The following TSPEAR variants were observed in gnomAD, a reference collection of about 807,000 sequenced individuals.
TSPEAR encodes thrombospondin type laminin G domain and EAR repeats.
In TSPEAR, 69 loss-of-function variants were observed where a neutral mutation model predicts 71.6. The ratio of observed to expected loss-of-function variants is 0.96; its 90% CI spans 0.79 to 1.18. The LOEUF (loss-of-function observed/expected upper bound fraction) is 1.18. Among genes scored for constraint, TSPEAR ranks in the 50% most tolerant of loss-of-function variants. The probability of loss-of-function intolerance (pLI) is 0.00; values close to 1 mark genes in which losing one functional copy is unlikely to be tolerated. For missense variants in TSPEAR, 971 were observed against 894.9 expected (o/e 1.09, Z -1.09); for synonymous variants, 402 against 387.2 (o/e 1.04, Z -0.45).
At chr21:44,556,858 CAA>C (rs2053539334) in intron 2 of TSPEAR, among the ~76,000 whole-genome samples, 1 of 152,174 alleles carries the variant, frequency 6.6e-6, no homozygotes, top group Admixed American at 6.5e-5. Flanking sequence ...AGGCCCAAAT[CAA>C]AGACAGGGGT....
In TSPEAR at chr21:44,527,433, A is replaced by AATT; in HGVS notation, c.1007_1008insAAT (p.Pro336_Gln337insIle). 1.2e-6 allele frequency: 2 copies of AATT among 1,614,216 alleles called. No individual in the cohort carries two copies. Among genetic ancestry groups the AATT allele is most frequent in the Non-Finnish European group, 1.7e-6 (2 of 1,180,040 alleles). ...CTGTGGCCACAAAGAGCCCCACCTG[A>AATT]GGGATGCGGAACACCTCAATGCCCA... On this transcript the variant is annotated inframe_insertion, in exon 7 of 12. Coordinates refer to ENST00000323084, the MANE Select transcript of TSPEAR (RefSeq NM_144991.3).
At chr21:44,536,311 C>T (rs587712477) in intron 2 of TSPEAR, among the ~76,000 whole-genome samples, 35 of 152,344 alleles carry the variant, frequency 2.3e-4, no homozygotes, top group Middle Eastern at 3.4e-3. Flanking sequence ...CCTACCCACT[C>T]GCATTTTGGG....
intron 1 of TSPEAR, chr21:44,666,706 G>A: frequency 6.2e-7 from 1 of 1,613,920 alleles, no homozygotes; most frequent in Non-Finnish European, 8.5e-7. Context: ...ACAGAAGACT[G>A]GCAGCTCACG....
At chr21:44,580,195 C>T (rs782386606) in intron 1 of TSPEAR, 1 of 1,614,002 alleles carries the variant, frequency 6.2e-7, no homozygotes, top group Non-Finnish European at 8.5e-7. Context: ...CACAGCAGGA[C>T]TGCTGGCAGG....
intron 8 of TSPEAR, among the ~76,000 whole-genome samples, chr21:44,523,353 G>GT (rs1350318976): frequency 6.6e-6 from 1 of 152,006 alleles, no homozygotes; most frequent in African/African-American, 2.4e-5. Flanking sequence ...TGGTCGGTCA[G>GT]TTGTGTCAGT....
At chr21:44,574,450 C>T (rs1978313125) in intron 1 of TSPEAR, 4 of 1,602,282 alleles carry the variant, frequency 2.5e-6, no homozygotes, top group Non-Finnish European at 3.4e-6. Flanking sequence ...TGCTGCGTGC[C>T]CGTCTGCTGC....
Position 44,631,915 on chromosome 21 carries a change from G to C in TSPEAR, c.83-63910C>G, listed in dbSNP as rs919994179. On this transcript the variant is annotated intron_variant, in intron 1 of 11. Coordinates refer to ENST00000323084, the MANE Select transcript of TSPEAR (RefSeq NM_144991.3). The stretch of plus-strand genomic sequence containing the variant: ...TAAAATGGTGGTTGCCAGGTGCCTG[G>C]GGGGAGGAGGAGGAATGTGGAGTTA... Among the ~76,000 whole-genome samples, 5 of 152,242 alleles carry C rather than the reference G, an allele frequency of 3.3e-5. No individual in the cohort carries two copies. In the East Asian group the frequency reaches 5.8e-4, roughly 18 times the overall value.
chr21:44,612,751 C>A lies in TSPEAR; in HGVS notation c.83-44746G>T, dbSNP rs139387695. 1 of 1,613,856 alleles carries A rather than the reference C, an allele frequency of 6.2e-7. No homozygotes were observed. Among genetic ancestry groups the A allele is most frequent in the Middle Eastern group, 1.7e-4 (1 of 5,978 alleles). ...TGTCCCTCCTCTGCCGCCCTGTGTGCCGGCCTGCCTGCTGTGTGCCTGTCC... is the reference window on the plus strand; with the variant it reads ...TGTCCCTCCTCTGCCGCCCTGTGTGACGGCCTGCCTGCTGTGTGCCTGTCC... On this transcript the variant is annotated intron_variant, in intron 1 of 11. Coordinates refer to ENST00000323084, the MANE Select transcript of TSPEAR (RefSeq NM_144991.3). This position sits in a 1 kb window ranked among gnomAD's most constrained non-coding sequence, Gnocchi z 4.1.
chr21:44,599,861 G>T (rs1980660551), intron 1 of TSPEAR, among the ~76,000 whole-genome samples: 1 of 152,216 alleles, frequency 6.6e-6, no homozygotes, highest in African/African-American at 2.4e-5. Context: ...GTTGAGAGTG[G>T]CTGTGCTTTT....
intron 1 of TSPEAR, among the ~76,000 whole-genome samples, chr21:44,643,193 T>G (rs11910558): frequency 0.034 from 5,120 of 152,234 alleles, 276 homozygotes; most frequent in African/African-American, 0.12. Context: ...CACTTATTTG[T>G]GGAATCTAAA....
intron 1 of TSPEAR, chr21:44,601,738 A>T (rs1555928909): frequency 6.2e-7 from 1 of 1,608,152 alleles, no homozygotes; most frequent in Non-Finnish European, 8.5e-7. Flanking sequence ...CTGCTGAGTG[A>T]TCTCCTTAAG....
At chr21:44,640,981 C>A (rs903242117) in intron 1 of TSPEAR, among the ~76,000 whole-genome samples, 1 of 152,142 alleles carries the variant, frequency 6.6e-6, no homozygotes, top group Non-Finnish European at 1.5e-5. Context: ...AGAGGCCACG[C>A]CCCAGGAAGC....
intron 2 of TSPEAR, chr21:44,540,189 T>C (rs782421955): frequency 6.3e-7 from 1 of 1,597,188 alleles, no homozygotes; most frequent in Non-Finnish European, 8.5e-7. Flanking sequence ...GAGGTGTGAG[T>C]GAGTGAGTGT....
intron 1 of TSPEAR, among the ~76,000 whole-genome samples, chr21:44,707,309 G>GGGT (rs1987979594): frequency 6.6e-6 from 1 of 152,086 alleles, no homozygotes. Context: ...GGGTGGGGGG[G>GGGT]GGTGCGGGGA....
In TSPEAR at chr21:44,612,271, C is replaced by T. The variant is rs782601166; in HGVS notation, c.83-44266G>A. ...GCTGCTGCGAGCCCCGCTCCTGTGCCTCCAGCTGCTGTACCCCTAGCTGCT... is the reference window on the plus strand; with the variant it reads ...GCTGCTGCGAGCCCCGCTCCTGTGCTTCCAGCTGCTGTACCCCTAGCTGCT... On this transcript the variant is annotated intron_variant, in intron 1 of 11. Transcript: ENST00000323084. This position sits in a 1 kb window ranked among gnomAD's most constrained non-coding sequence, Gnocchi z 4.1. The T allele has an allele frequency of 6.2e-7, 1 of 1,613,560 alleles. No homozygotes were observed. Among genetic ancestry groups the T allele is most frequent in the South Asian group, 1.1e-5 (1 of 91,076 alleles).
At chr21:44,669,045 A>C (rs1985927366) in intron 1 of TSPEAR, among the ~76,000 whole-genome samples, 1 of 152,260 alleles carries the variant, frequency 6.6e-6, no homozygotes, top group Non-Finnish European at 1.5e-5. Flanking sequence ...GAAGCACATC[A>C]ATAGAAATTA....
rs587671497 is a variant in TSPEAR, at chr21:44,615,995, C to T, written c.83-47990G>A. Among the ~76,000 whole-genome samples, 41 of 152,356 alleles carry T rather than the reference C, an allele frequency of 2.7e-4. No individual in the cohort carries two copies. In the South Asian group the frequency reaches 8.5e-3, roughly 32 times the overall value. On this transcript the variant is annotated intron_variant, in intron 1 of 11. Transcript: ENST00000323084. Reference sequence around the variant, plus strand: ...CCACTGTCAGGAGGTGCTTGAGCAACAGGGTGTCCCCACAGTGCCACATCC... The same window carrying T: ...CCACTGTCAGGAGGTGCTTGAGCAATAGGGTGTCCCCACAGTGCCACATCC...
At position 44,538,422 on chromosome 21, in the gene TSPEAR, GCCC is replaced by G. The variant is rs57097547; in HGVS notation, c.304-4502_304-4500del. The stretch of plus-strand genomic sequence containing the variant: ...TCCCTACACCTGTGTGGAAACTGCT[GCCC>G]CCCCCCCCCCCAAGAGGAGAACCTG... On this transcript the variant is annotated intron_variant, in intron 2 of 11. Transcript: ENST00000323084. Among the ~76,000 whole-genome samples the G allele has an allele frequency of 8.7e-3, 992 of 113,612 alleles. 11 individuals carry two copies. The highest frequency in any genetic ancestry group is 0.03 in the Middle Eastern group (7 of 234). 74.5% of individuals were successfully genotyped at this position (113,612 alleles called of 152,430 possible). A position where few individuals can be genotyped will look rare whatever the true frequency, so the allele number is the denominator to read the frequency against.
chr21:44,682,138 G>A (rs781856794), intron 1 of TSPEAR: 3 of 1,612,106 alleles, frequency 1.9e-6, no homozygotes, highest in Admixed American at 1.7e-5. Flanking sequence ...GCGTGTGGCT[G>A]GATAAGGTCG....
Sources: allele counts gnomAD v4.1 joint callset (sites outside exome capture counted in the v4.1 genomes callset), GRCh38; gene constraint gnomAD v4.1.1; non-coding constraint Gnocchi (gnomAD v3.1); transcripts MANE v1.5; gene names NCBI Gene and HGNC (gene_info 2026-07-23, HGNC 2026-07-21).